Variants in CTNND2 observed in about 807,000 individuals in gnomAD.
CTNND2 encodes the protein catenin delta 2, also known as catenin delta-2.
Under a neutral mutation model 144.4 loss-of-function variants are expected in CTNND2, and 22 were observed. The observed-to-expected ratio is 0.15, with a 90% CI of 0.11 to 0.22. The LOEUF is 0.22. Among genes scored for constraint, CTNND2 ranks in the 10% least tolerant of loss-of-function variants. The pLI, the probability that CTNND2 is intolerant of heterozygous loss-of-function variation, is 1.00. For missense variants in CTNND2, 1,353 were observed against 1,618.8 expected (o/e 0.84, Z 2.82); for synonymous variants, 751 against 695.6 (o/e 1.08, Z -1.25).
At chr5:11,836,681 C>T (rs1254434978) in intron 1 of CTNND2, among the ~76,000 whole-genome samples, 4 of 151,666 alleles carry the variant, frequency 2.6e-5, no homozygotes, top group Non-Finnish European at 5.9e-5. Flanking sequence ...AAAAAAAAAA[C>T]TCTACTTTGC....
chr5:11,200,684 T>C lies in CTNND2; in HGVS notation c.1762-1023A>G, dbSNP rs536237952. On this transcript the variant is annotated intron_variant, in intron 10 of 21. Transcript: ENST00000304623. The stretch of plus-strand genomic sequence containing the variant: ...TTTTCTCTTTCTTTCTTTTCTTTTT[T>C]CTTTTTCTTTTTGAGACAGAGTCTC... Among the ~76,000 whole-genome samples, 19 of 152,258 alleles carry C rather than the reference T, an allele frequency of 1.2e-4. No individual in the cohort carries two copies. In the South Asian group the frequency reaches 3.7e-3, roughly 30 times the overall value.
chr5:11,251,594 T>C (rs1030445356), intron 9 of CTNND2, among the ~76,000 whole-genome samples: 1 of 152,216 alleles, frequency 6.6e-6, no homozygotes, highest in African/African-American at 2.4e-5. Context: ...GAATTTCCTA[T>C]GTTGCCCTGG....
intron 2 of CTNND2, among the ~76,000 whole-genome samples, chr5:11,682,027 A>T (rs1390934620): frequency 6.6e-6 from 1 of 152,222 alleles, no homozygotes; most frequent in East Asian, 1.9e-4. Context: ...TGTGCAGGTA[A>T]GTGCCTGCTT....
intron 9 of CTNND2, among the ~76,000 whole-genome samples, chr5:11,267,032 C>T (rs560630863): frequency 2.2e-4 from 33 of 152,326 alleles, no homozygotes; most frequent in Non-Finnish European, 3.7e-4. Flanking sequence ...GCGCCCGCCA[C>T]CACGCCCGGC....
At chr5:11,877,108 T>C (rs1378444482) in intron 1 of CTNND2, among the ~76,000 whole-genome samples, 1 of 152,148 alleles carries the variant, frequency 6.6e-6, no homozygotes, top group Non-Finnish European at 1.5e-5. Context: ...TTATAAGCCT[T>C]AGATTTCAGT....
intron 9 of CTNND2, among the ~76,000 whole-genome samples, chr5:11,342,552 G>C (rs147137126): frequency 1.5e-4 from 23 of 152,294 alleles, no homozygotes; most frequent in African/African-American, 5.5e-4. Flanking sequence ...CTGCTTTCGA[G>C]ATAGTGTACA....
chr5:11,033,205 T>C (rs1049871791), intron 16 of CTNND2, among the ~76,000 whole-genome samples: 5 of 152,164 alleles, frequency 3.3e-5, no homozygotes, highest in Non-Finnish European at 7.3e-5. Context: ...TTAAAATGTA[T>C]CCCCTGGTTC....
chr5:11,497,965 C>T (rs780592526), intron 3 of CTNND2, among the ~76,000 whole-genome samples: 117 of 152,068 alleles, frequency 7.7e-4, no homozygotes, highest in Non-Finnish European at 1.3e-3. Flanking sequence ...TGCTCCTTTA[C>T]CCTGGGCCCA....
chr5:11,093,726 A>C (rs1751026480), intron 15 of CTNND2, among the ~76,000 whole-genome samples: 1 of 152,220 alleles, frequency 6.6e-6, no homozygotes, highest in Non-Finnish European at 1.5e-5. Context: ...CTAAATTTTA[A>C]CAGTTGCTAT....
intron 2 of CTNND2, among the ~76,000 whole-genome samples, chr5:11,622,172 T>TA (rs1303202465): frequency 6.6e-6 from 1 of 152,290 alleles, no homozygotes; most frequent in East Asian, 1.9e-4. Flanking sequence ...AAATTTCTGG[T>TA]AAAAAATCAT....
At chr5:11,900,220 T>C (rs1232083054) in intron 1 of CTNND2, among the ~76,000 whole-genome samples, 1 of 152,244 alleles carries the variant, frequency 6.6e-6, no homozygotes, top group Non-Finnish European at 1.5e-5. Context: ...AACTAATTGA[T>C]ACAGGTACTT....
chr5:11,219,520 C>T (rs1739558134), intron 10 of CTNND2, among the ~76,000 whole-genome samples: 1 of 152,092 alleles, frequency 6.6e-6, no homozygotes, highest in Non-Finnish European at 1.5e-5. Context: ...GGCCTTAATC[C>T]CTGTGAATAT....
At chr5:11,373,516 T>C (rs1436148855) in intron 7 of CTNND2, among the ~76,000 whole-genome samples, 1 of 152,194 alleles carries the variant, frequency 6.6e-6, no homozygotes, top group Non-Finnish European at 1.5e-5. Context: ...AGCTCAGGGC[T>C]TCTCAACCCT....
At chr5:11,591,489 A>T (rs1209177002) in intron 2 of CTNND2, among the ~76,000 whole-genome samples, 1 of 151,356 alleles carries the variant, frequency 6.6e-6, no homozygotes, top group Non-Finnish European at 1.5e-5. Context: ...AGTCCCGTTT[A>T]TTTCTGCACT....
chr5:11,593,754 C>T (rs1055146291), intron 2 of CTNND2, among the ~76,000 whole-genome samples: 4 of 152,176 alleles, frequency 2.6e-5, no homozygotes, highest in African/African-American at 9.7e-5. Context: ...TCCATTACAC[C>T]TTTTTTCCTT....
At chr5:11,004,056 A>G (rs1384146063) in intron 18 of CTNND2, among the ~76,000 whole-genome samples, 1 of 152,268 alleles carries the variant, frequency 6.6e-6, no homozygotes, top group Non-Finnish European at 1.5e-5. Flanking sequence ...GAAAAAATGT[A>G]TATGATTTAG....
Position 11,164,656 on chromosome 5 carries a change from T to A in CTNND2, c.1976-4897A>T, listed in dbSNP as rs547017017. On this transcript the variant is annotated intron_variant, in intron 11 of 21. Coordinates refer to ENST00000304623, the MANE Select transcript of CTNND2 (RefSeq NM_001332.4). The stretch of plus-strand genomic sequence containing the variant: ...TTGTGTCGCAGATCCCTGGACTTGC[T>A]GCTGCCTCATTCTGGAACATTGTTT... 3.3e-5 allele frequency among the ~76,000 whole-genome samples: 5 copies of A among 152,314 alleles called. No individual in the cohort carries two copies. In the East Asian group the frequency reaches 9.7e-4, roughly 29 times the overall value.
chr5:11,890,072 A>ATCTATACTTT (rs1736841582), intron 1 of CTNND2, among the ~76,000 whole-genome samples: 1 of 152,198 alleles, frequency 6.6e-6, no homozygotes, highest in Non-Finnish European at 1.5e-5. Context: ...GCCATTATTC[A>ATCTATACTTT]TCTATACTTT....
chr5:11,035,337 C>T (rs575802995), intron 16 of CTNND2, among the ~76,000 whole-genome samples: 1 of 152,274 alleles, frequency 6.6e-6, no homozygotes, highest in African/African-American at 2.4e-5. Flanking sequence ...CTAGAGGCCA[C>T]CTGATTTCCT....
Sources: gnomAD v4.1 joint callset for allele counts (sites outside exome capture counted in the v4.1 genomes callset) on GRCh38, gnomAD v4.1.1 for gene constraint, MANE v1.5 for transcripts, NCBI Gene and HGNC (gene_info 2026-07-23, HGNC 2026-07-21) for gene names.